The following UNC79 variants were observed in gnomAD, a reference collection of about 807,000 sequenced individuals.
The protein encoded by UNC79 is protein unc-79 homolog.
Under a neutral mutation model 283.1 loss-of-function variants are expected in UNC79, and 37 were observed. The ratio of observed to expected loss-of-function variants is 0.13; its 90% CI spans 0.10 to 0.17. The LOEUF is 0.17. Ranked by LOEUF, UNC79 falls within the 10% of genes least tolerant of loss-of-function variation. The pLI is 1.00. For missense variants in UNC79, 2,272 were observed against 3,211.1 expected (o/e 0.71, Z 7.07); for synonymous variants, 1,107 against 1,200.2 (o/e 0.92, Z 1.61).
At position 93,646,657 on chromosome 14, in the gene UNC79, A is replaced by C; in HGVS notation, c.6083+11A>C. On this transcript the variant is annotated intron_variant, in intron 35 of 48. Coordinates refer to ENST00000555664, the Ensembl canonical transcript of UNC79. The stretch of plus-strand genomic sequence containing the variant: ...TAATCAAGCAGAAAGGTAAGGTCCT[A>C]ACGGGAGCCCAGATCTCACTTTCTT... 6.2e-7 allele frequency: 1 copy of C among 1,613,656 alleles called. No homozygotes were observed. The highest frequency in any genetic ancestry group is 8.5e-7 in the Non-Finnish European group (1 of 1,179,708).
chr14:93,606,158 A>G lies in UNC79; in HGVS notation c.3754+2740A>G, dbSNP rs551032882. Among the ~76,000 whole-genome samples, 29 of 152,258 alleles carry G rather than the reference A, an allele frequency of 1.9e-4. No homozygotes were observed. The South Asian group carries it at 3.1e-3, about 16-fold the overall frequency. Reference sequence around the variant, plus strand: ...GCTGAGAAGCTAGTCTTTCATGATAATTATCCATTTTAACAATCCAACCCA... The same window carrying G: ...GCTGAGAAGCTAGTCTTTCATGATAGTTATCCATTTTAACAATCCAACCCA... On this transcript the variant is annotated intron_variant, in intron 26 of 48. Coordinates refer to ENST00000555664, the Ensembl canonical transcript of UNC79.
intron 18 of UNC79, among the ~76,000 whole-genome samples, chr14:93,578,748 A>G (rs2063611436): frequency 6.6e-6 from 1 of 152,232 alleles, no homozygotes. Flanking sequence ...AAATCAGGAA[A>G]TTAATAGTGT....
chr14:93,621,559 T>A lies in UNC79; in HGVS notation c.4388-62T>A, dbSNP rs543179541. ...TTTATGCCAATTGTATGCCCAAGGA[T>A]GAGGGGAAAAAATGGTGAAATCTCC... On this transcript the variant is annotated intron_variant, in intron 29 of 48. Coordinates refer to ENST00000555664, the Ensembl canonical transcript of UNC79. This position sits in a 1 kb window ranked among gnomAD's most constrained non-coding sequence, Gnocchi z 4.8. 4.3e-5 allele frequency: 64 copies of A among 1,486,090 alleles called. No individual in the cohort carries two copies. In the East Asian group the frequency reaches 1.5e-3, roughly 34 times the overall value. 92.1% of individuals were successfully genotyped at this position (1,486,090 alleles called of 1,614,324 possible). A position where few individuals can be genotyped will look rare whatever the true frequency, so the allele number is the denominator to read the frequency against.
chr14:93,554,763 T>G (rs2062074241), intron 14 of UNC79, among the ~76,000 whole-genome samples: 1 of 152,260 alleles, frequency 6.6e-6, no homozygotes, highest in Non-Finnish European at 1.5e-5. Context: ...TTCAGTTATA[T>G]TCTATCTTTC....
intron 1 of UNC79, among the ~76,000 whole-genome samples, chr14:93,354,530 C>G (rs1468843170): frequency 1.3e-5 from 2 of 152,236 alleles, no homozygotes; most frequent in African/African-American, 4.8e-5. Context: ...CAGGGTCTTA[C>G]TCTGTCACCC....
At chr14:93,490,477 ACTTTGCTAAGAAATTTT>A (rs147948566) in intron 5 of UNC79, among the ~76,000 whole-genome samples, 2,033 of 152,244 alleles carry the variant, frequency 0.013, 46 homozygotes, top group African/African-American at 0.047. Context: ...CTCTTTCAAC[ACTTTGCTAAGAAATTTT>A]CTTAGCCAAG....
chr14:93,451,678 C>T (rs1595502425), intron 1 of UNC79, among the ~76,000 whole-genome samples: 1 of 152,298 alleles, frequency 6.6e-6, no homozygotes, highest in East Asian at 1.9e-4. Context: ...CAGTTTTCAG[C>T]CAATCCCCCA....
intron 1 of UNC79, among the ~76,000 whole-genome samples, chr14:93,443,589 A>C (rs1174693652): frequency 3.3e-5 from 5 of 151,848 alleles, no homozygotes; most frequent in Admixed American, 3.3e-4. Context: ...ATGCCCGGCT[A>C]ATTTTTTGTA....
intron 7 of UNC79, among the ~76,000 whole-genome samples, chr14:93,511,323 T>A (rs2059813704): frequency 1.3e-5 from 2 of 152,228 alleles, no homozygotes; most frequent in African/African-American, 4.8e-5. Context: ...GAGGGAATAT[T>A]TCACCATTAA....
chr14:93,704,794 C>A, intron 48 of UNC79, 128 bp downstream of exon 51: 1 of 1,212,174 alleles, frequency 8.2e-7, no homozygotes, highest in Non-Finnish European at 1.2e-6. Context: ...CCTTAGAGGG[C>A]TGATAATGCA....
Position 93,467,625 on chromosome 14 carries a change from T to G in UNC79, c.23-46T>G, listed in dbSNP as rs12892339. The G allele has an allele frequency of 2.5e-6, 3 of 1,195,054 alleles. No individual in the cohort carries two copies. The East Asian group carries it at 9.8e-5, about 39-fold the overall frequency. 74.0% of individuals were successfully genotyped at this position (1,195,054 alleles called of 1,614,324 possible). A position where few individuals can be genotyped will look rare whatever the true frequency, so the allele number is the denominator to read the frequency against. On this transcript the variant is annotated intron_variant, in intron 1 of 48. Coordinates refer to ENST00000555664, the Ensembl canonical transcript of UNC79. ...ATGATTCTTCTCTTTCTTTTTCTTC[T>G]TCCTTTTTTTTTTTTTTTTTTTTTT...
At chr14:93,411,074 C>T (rs1453388924) in intron 1 of UNC79, among the ~76,000 whole-genome samples, 2 of 152,070 alleles carry the variant, frequency 1.3e-5, no homozygotes, top group Non-Finnish European at 2.9e-5. Context: ...CAGAGGGGAG[C>T]GCATTGCCCC....
At chr14:93,539,394 G>A (rs1262329926) in intron 12 of UNC79, among the ~76,000 whole-genome samples, 2 of 151,184 alleles carry the variant, frequency 1.3e-5, no homozygotes, top group Admixed American at 1.3e-4. Flanking sequence ...GTTGGCGCCT[G>A]CCTGTAATCC....
Position 93,621,790 on chromosome 14 carries a change from G to T in UNC79, c.4557G>T (p.Arg1519Ser). The T allele has an allele frequency of 6.2e-7, 1 of 1,614,010 alleles. No individual in the cohort carries two copies. The change falls in exon 30 of 49, where the codon AGG becomes AGT. Residue 1519 changes from arginine to serine, a missense_variant. By Grantham distance (110) the Arg-to-Ser change is moderately radical. Transcript: ENST00000555664. This position sits in a 1 kb window ranked among gnomAD's most constrained non-coding sequence, Gnocchi z 4.8. ...TGTTTACATTAGACGAACATCGTAG[G>T]AAGTCGTGCATAGATCGGTGTGACA...
intron 24 of UNC79, among the ~76,000 whole-genome samples, chr14:93,600,148 T>G (rs1164823429): frequency 6.6e-6 from 1 of 151,940 alleles, no homozygotes; most frequent in Non-Finnish European, 1.5e-5. Context: ...TGCAGTGAGC[T>G]GAGATCCCAT....
intron 30 of UNC79, among the ~76,000 whole-genome samples, chr14:93,623,224 T>G (rs1473883481): frequency 6.6e-6 from 1 of 152,200 alleles, no homozygotes; most frequent in African/African-American, 2.4e-5. Context: ...TAGTGAGCTA[T>G]GATATAGTCC....
intron 47 of UNC79, among the ~76,000 whole-genome samples, chr14:93,698,648 G>A (rs1186281537): frequency 6.6e-6 from 1 of 151,878 alleles, no homozygotes; most frequent in Non-Finnish European, 1.5e-5. Context: ...GCCATGCCCA[G>A]CTAATTTTTG....
chr14:93,594,462 G>A (rs894588236), intron 23 of UNC79, among the ~76,000 whole-genome samples: 2 of 152,124 alleles, frequency 1.3e-5, no homozygotes, highest in African/African-American at 4.8e-5. Flanking sequence ...TAGAGACAAG[G>A]TTTCAGTATG....
intron 33 of UNC79, 58 bp from the exon 37 acceptor site, chr14:93,643,499 A>G (rs1232324153): frequency 1.2e-6 from 2 of 1,612,420 alleles, no homozygotes; most frequent in African/African-American, 1.3e-5. Flanking sequence ...GTAGTATATT[A>G]TATCTTGAGA....
Sources: gnomAD v4.1 joint callset for allele counts (sites outside exome capture counted in the v4.1 genomes callset) on GRCh38, gnomAD v4.1.1 for gene constraint, Gnocchi (gnomAD v3.1) non-coding constraint, MANE v1.5 for transcripts, NCBI Gene and HGNC (gene_info 2026-07-23, HGNC 2026-07-21) for gene names.